GABRB3: variants seen among roughly 807,000 people sequenced by gnomAD.
The protein encoded by GABRB3 is gamma-aminobutyric acid type A receptor subunit beta3, also known as gamma-aminobutyric acid receptor subunit beta-3.
GABRB3 carries 14 observed loss-of-function variants against 52.1 expected under a neutral mutation model. The observed-to-expected ratio is 0.27, with a 90% CI of 0.18 to 0.42. The LOEUF (loss-of-function observed/expected upper bound fraction) is 0.42, where lower values mean the gene tolerates loss of function less well. Among genes scored for constraint, GABRB3 ranks in the 10% least tolerant of loss-of-function variants. The probability of loss-of-function intolerance (pLI) is 1.00; values close to 1 mark genes in which losing one functional copy is unlikely to be tolerated. For synonymous variants in GABRB3, 260 were observed against 232.3 expected (o/e 1.12, Z -1.08); for missense variants, 307 against 609.1 (o/e 0.50, Z 5.22).
intron 3 of GABRB3, among the ~76,000 whole-genome samples, chr15:26,707,953 A>G (rs1889159141): frequency 6.6e-6 from 1 of 152,180 alleles, no homozygotes; most frequent in Non-Finnish European, 1.5e-5. Context: ...TCTGCATTAT[A>G]TCAATTGATC....
chr15:26,572,047 G>GAAAAAAA lies in GABRB3; in HGVS notation c.683-4321_683-4315dup, dbSNP rs67382387. ...GCGACAGAGCGAGACTCCGTCTCAAGAAAAAAAAAAAAAAAAAAAAAGGAA... is the reference window on the plus strand; with the variant it reads ...GCGACAGAGCGAGACTCCGTCTCAAGAAAAAAAAAAAAAAAAAAAAAAAAAAAAGGAA... On this transcript the variant is annotated intron_variant, in intron 6 of 8. Transcript: ENST00000311550. 9.4e-5 allele frequency among the ~76,000 whole-genome samples: 5 copies of GAAAAAAA among 53,090 alleles called. 1 individual carries two copies. 34.8% of individuals were successfully genotyped at this position (53,090 alleles called of 152,430 possible).
rs189264226 is a variant in GABRB3, at chr15:26,703,238, A to G, written c.240+69164T>C. Among the ~76,000 whole-genome samples the G allele has an allele frequency of 5.9e-5, 9 of 152,298 alleles. No individual in the cohort carries two copies. The East Asian group carries it at 1.7e-3, about 29-fold the overall frequency. On this transcript the variant is annotated intron_variant, in intron 3 of 8. Transcript: ENST00000311550. ...AGTTCTAGAGGCTGGAAATTCCAAG[A>G]TTCAGGCACCGGCACCTGGTGGGGG...
intron 3 of GABRB3, among the ~76,000 whole-genome samples, chr15:26,666,940 T>TGGAAGA (rs1887732685): frequency 1.3e-5 from 2 of 152,076 alleles, no homozygotes; most frequent in African/African-American, 4.8e-5. Flanking sequence ...TCTGCCTTCT[T>TGGAAGA]CCAGGGAGGC....
At chr15:26,641,512 C>T (rs1292922855) in intron 3 of GABRB3, among the ~76,000 whole-genome samples, 1 of 152,236 alleles carries the variant, frequency 6.6e-6, no homozygotes, top group Non-Finnish European at 1.5e-5. Flanking sequence ...AGCCAGCATT[C>T]CTATGGAATA....
chr15:26,562,758 T>G (rs2140683979), intron 7 of GABRB3, among the ~76,000 whole-genome samples: 2 of 152,310 alleles, frequency 1.3e-5, no homozygotes, highest in East Asian at 3.9e-4. Flanking sequence ...CAGCCCAGTC[T>G]TCCATCTCCA....
Position 26,545,831 on chromosome 15 carries a change from T to C in GABRB3, c.*1962A>G, listed in dbSNP as rs1385092984. ...TGAAAATAAAACCAGAGAGCAGCGATTAGGAGGAAAAAGATAGGAATGAAA... is the reference window on the plus strand; with the variant it reads ...TGAAAATAAAACCAGAGAGCAGCGACTAGGAGGAAAAAGATAGGAATGAAA... On this transcript the variant is annotated 3_prime_UTR_variant, in exon 9 of 9. Transcript: ENST00000311550. 6.6e-6 allele frequency: 1 copy of C among 152,342 alleles called. No homozygotes were observed. The highest frequency in any genetic ancestry group is 1.5e-5 in the Non-Finnish European group (1 of 67,982). 9.4% of individuals were successfully genotyped at this position (152,342 alleles called of 1,614,324 possible).
chr15:26,610,653 T>C (rs746153247), intron 4 of GABRB3, among the ~76,000 whole-genome samples: 1 of 152,152 alleles, frequency 6.6e-6, no homozygotes, highest in Non-Finnish European at 1.5e-5. Context: ...TCTGTAGTGC[T>C]GTTTGGCCCC....
At chr15:26,660,632 G>A (rs1887512503) in intron 3 of GABRB3, among the ~76,000 whole-genome samples, 1 of 152,114 alleles carries the variant, frequency 6.6e-6, no homozygotes, top group Non-Finnish European at 1.5e-5. Flanking sequence ...GATATTTTGG[G>A]GAAAGCACCC....
chr15:26,705,408 G>T (rs865861195), intron 3 of GABRB3, among the ~76,000 whole-genome samples: 2 of 152,260 alleles, frequency 1.3e-5, no homozygotes, highest in East Asian at 3.9e-4. Flanking sequence ...ACATCGTATT[G>T]GGGGTTAGGA....
chr15:26,555,534 G>A (rs1294692794), intron 8 of GABRB3, among the ~76,000 whole-genome samples: 2 of 152,286 alleles, frequency 1.3e-5, no homozygotes, highest in African/African-American at 4.8e-5. Flanking sequence ...TCTAGTGAAG[G>A]AAACTTAGAC....
intron 3 of GABRB3, among the ~76,000 whole-genome samples, chr15:26,726,012 A>G (rs1889761381): frequency 6.6e-6 from 1 of 152,102 alleles, no homozygotes; most frequent in South Asian, 2.1e-4. Flanking sequence ...CACATGTGTC[A>G]TTTTACTCCT....
At chr15:26,720,332 G>A (rs1889610090) in intron 3 of GABRB3, among the ~76,000 whole-genome samples, 1 of 152,116 alleles carries the variant, frequency 6.6e-6, no homozygotes, top group African/African-American at 2.4e-5. Flanking sequence ...ACACGGACGT[G>A]AGTGAAACTT....
At chr15:26,566,231 G>T (rs568956860) in intron 7 of GABRB3, among the ~76,000 whole-genome samples, 2 of 152,096 alleles carry the variant, frequency 1.3e-5, no homozygotes, top group Non-Finnish European at 2.9e-5. Context: ...TCATAGAGTG[G>T]TTTTCTTATC....
chr15:26,710,402 C>G (rs1479687114), intron 3 of GABRB3, among the ~76,000 whole-genome samples: 1 of 152,260 alleles, frequency 6.6e-6, no homozygotes, highest in Non-Finnish European at 1.5e-5. Flanking sequence ...GCTGGGATTA[C>G]AGGCACCTGC....
At chr15:26,773,105 GGGGAGGAGC>G, upstream of GABRB3, 1 of 802,410 alleles carries the variant, frequency 1.2e-6, no homozygotes, top group Non-Finnish European at 1.5e-6. Context: ...AGGGGAGGAG[GGGGAGGAGC>G]GGGCGCTGGG....
chr15:26,583,227 CTA>C, intron 5 of GABRB3, 103 bp downstream of exon 5: 1 of 869,126 alleles, frequency 1.2e-6, no homozygotes. Context: ...TCCCCTCTTT[CTA>C]TGTCAAAAAA....
chr15:26,583,978 A>G (rs938798422), intron 4 of GABRB3, among the ~76,000 whole-genome samples: 1 of 151,974 alleles, frequency 6.6e-6, no homozygotes, highest in Non-Finnish European at 1.5e-5. Context: ...GGGTTTCACC[A>G]TGTTAGCCAG....
At chr15:26,560,847 A>C in intron 8 of GABRB3, 85 bp downstream of exon 8, 2 of 1,591,602 alleles carry the variant, frequency 1.3e-6, no homozygotes, top group Admixed American at 3.3e-5. Flanking sequence ...ACTACTGGGG[A>C]AAAAACAAAG....
intron 3 of GABRB3, chr15:26,772,156 G>A (rs912188044): frequency 2.5e-4 from 107 of 431,838 alleles, no homozygotes; most frequent in Non-Finnish European, 8.9e-5. Flanking sequence ...GCACTAGGCC[G>A]GCCAGGACTC....
Sources: gnomAD v4.1 joint callset for allele counts (sites outside exome capture counted in the v4.1 genomes callset) on GRCh38, gnomAD v4.1.1 for gene constraint, MANE v1.5 for transcripts, NCBI Gene and HGNC (gene_info 2026-07-23, HGNC 2026-07-21) for gene names.